The following FHIT variants were observed in gnomAD, a reference collection of about 807,000 sequenced individuals.
FHIT encodes bis(5'-adenosyl)-triphosphatase.
A neutral mutation model predicts 17.9 loss-of-function variants in FHIT; 19 were observed. The observed-to-expected ratio is 1.06, with a 90% CI of 0.74 to 1.56. The LOEUF (loss-of-function observed/expected upper bound fraction) is 1.56. FHIT is among the 40% of genes most tolerant of loss of function. The pLI is 0.00. For synonymous variants in FHIT, 81 were observed against 69.7 expected (o/e 1.16, Z -0.81); for missense variants, 248 against 189.2 (o/e 1.31, Z -1.82).
chr3:60,943,212 C>T (rs1386931426), intron 3 of FHIT, among the ~76,000 whole-genome samples: 2 of 151,960 alleles, frequency 1.3e-5, no homozygotes, highest in Non-Finnish European at 2.9e-5. Context: ...GGTTAAAACT[C>T]TCAGATTATG....
At chr3:59,840,218 C>CAG (rs1265195015) in intron 8 of FHIT, among the ~76,000 whole-genome samples, 9 of 152,062 alleles carry the variant, frequency 5.9e-5, no homozygotes, top group African/African-American at 2.2e-4. Context: ...CATTCCCATT[C>CAG]AGAGAGCCAA....
intron 7 of FHIT, among the ~76,000 whole-genome samples, chr3:59,928,625 A>G (rs1054298471): frequency 2.6e-5 from 4 of 152,242 alleles, no homozygotes; most frequent in African/African-American, 9.6e-5. Flanking sequence ...AAATGAATAC[A>G]TGAAAAGATG....
At chr3:60,797,251 T>G (rs1206448236) in intron 4 of FHIT, among the ~76,000 whole-genome samples, 2 of 152,142 alleles carry the variant, frequency 1.3e-5, no homozygotes, top group Non-Finnish European at 2.9e-5. Flanking sequence ...TACACCTCTC[T>G]TGCCCACTTT....
chr3:60,961,529 C>A (rs537883412), intron 3 of FHIT, among the ~76,000 whole-genome samples: 4 of 152,242 alleles, frequency 2.6e-5, no homozygotes, highest in African/African-American at 9.6e-5. Flanking sequence ...AATGGTATTG[C>A]CTAGGTTTTC....
At chr3:59,813,149 T>C (rs572804348) in intron 8 of FHIT, among the ~76,000 whole-genome samples, 3 of 152,336 alleles carry the variant, frequency 2.0e-5, no homozygotes, top group South Asian at 2.1e-4. Context: ...AATTAATCAT[T>C]ATTTCATTAA....
chr3:60,549,401 T>G (rs891729052), intron 4 of FHIT, among the ~76,000 whole-genome samples: 1 of 152,166 alleles, frequency 6.6e-6, no homozygotes, highest in African/African-American at 2.4e-5. Context: ...GACAACCCTA[T>G]GAGGAAGGTC....
intron 5 of FHIT, among the ~76,000 whole-genome samples, chr3:60,387,794 G>C (rs891659192): frequency 6.6e-6 from 1 of 152,124 alleles, no homozygotes; most frequent in Admixed American, 6.5e-5. Context: ...CTTATGGTTT[G>C]TTTGGCCTTG....
At chr3:59,864,832 G>GAGAA (rs112143504) in intron 8 of FHIT, among the ~76,000 whole-genome samples, 1 of 137,276 alleles carries the variant, frequency 7.3e-6, no homozygotes, top group African/African-American at 2.7e-5. Context: ...AAGAGAGAGA[G>GAGAA]AAAAAAAAAA....
intron 4 of FHIT, 25 bp from the exon 5 acceptor site, chr3:60,537,004 T>C: frequency 6.4e-7 from 1 of 1,573,616 alleles, no homozygotes; most frequent in Non-Finnish European, 8.6e-7. Flanking sequence ...AATGGATAGT[T>C]ATAAAATTCA....
chr3:60,738,355 C>T (rs782369796), intron 4 of FHIT, among the ~76,000 whole-genome samples: 1 of 152,170 alleles, frequency 6.6e-6, no homozygotes, highest in Non-Finnish European at 1.5e-5. Context: ...GTAGCATACA[C>T]AGGAGGCCCC....
chr3:61,215,603 C>G (rs1017977274), intron 1 of FHIT, among the ~76,000 whole-genome samples: 4 of 152,160 alleles, frequency 2.6e-5, no homozygotes, highest in Non-Finnish European at 5.9e-5. Context: ...CCATCCCCAT[C>G]AAGCTACCAA....
chr3:60,083,574 T>C (rs1703377228), intron 5 of FHIT, among the ~76,000 whole-genome samples: 1 of 152,110 alleles, frequency 6.6e-6, no homozygotes, highest in Admixed American at 6.6e-5. Flanking sequence ...ATTCTTCCAA[T>C]CCATGAGCAT....
chr3:60,533,737 G>A (rs1390593151), intron 5 of FHIT, among the ~76,000 whole-genome samples: 1 of 152,108 alleles, frequency 6.6e-6, no homozygotes, highest in East Asian at 1.9e-4. Context: ...CATATTCAGG[G>A]AACAGCCGGA....
intron 3 of FHIT, among the ~76,000 whole-genome samples, chr3:60,844,358 T>C (rs912353794): frequency 4.6e-5 from 7 of 151,970 alleles, no homozygotes; most frequent in African/African-American, 1.7e-4. Flanking sequence ...TCTTAGGTAT[T>C]TCATAAAATC....
intron 5 of FHIT, among the ~76,000 whole-genome samples, chr3:60,217,891 T>C (rs1257091643): frequency 6.6e-6 from 1 of 152,188 alleles, no homozygotes; most frequent in Non-Finnish European, 1.5e-5. Context: ...TCTCATGGGA[T>C]CATGGAATTT....
chr3:61,186,928 C>G (rs887683244), intron 2 of FHIT, among the ~76,000 whole-genome samples: 1 of 152,164 alleles, frequency 6.6e-6, no homozygotes, highest in Admixed American at 6.5e-5. Flanking sequence ...AATGAGGAGG[C>G]CTGCTATGTT....
intron 5 of FHIT, among the ~76,000 whole-genome samples, chr3:60,524,063 G>A (rs1008656821): frequency 9.9e-5 from 15 of 152,076 alleles, no homozygotes; most frequent in Non-Finnish European, 2.1e-4. Flanking sequence ...CACTCATCTA[G>A]CAAATATTCA....
chr3:60,871,187 G>A (rs965851154), intron 3 of FHIT, among the ~76,000 whole-genome samples: 6 of 151,722 alleles, frequency 4.0e-5, no homozygotes, highest in African/African-American at 9.7e-5. Flanking sequence ...CCTTTTTCTC[G>A]TTATATCAGA....
At chr3:60,073,211 C>T (rs1000669490) in intron 5 of FHIT, among the ~76,000 whole-genome samples, 34 of 152,162 alleles carry the variant, frequency 2.2e-4, no homozygotes, top group African/African-American at 8.0e-4. Flanking sequence ...AAAATAAGGT[C>T]CCTTGAGCAT....
Sources: gnomAD v4.1 joint callset for allele counts (sites outside exome capture counted in the v4.1 genomes callset) on GRCh38, gnomAD v4.1.1 for gene constraint, MANE v1.5 for transcripts, NCBI Gene and HGNC (gene_info 2026-07-23, HGNC 2026-07-21) for gene names.